Variants in LRRTM4 observed in about 807,000 individuals in gnomAD.
The protein encoded by LRRTM4 is leucine rich repeat transmembrane neuronal 4.
A neutral mutation model predicts 47.6 loss-of-function variants in LRRTM4; 25 were observed. The observed-to-expected ratio is 0.53, with a 90% CI of 0.38 to 0.73. The LOEUF (loss-of-function observed/expected upper bound fraction) is 0.73. Ranked by LOEUF, LRRTM4 falls within the 30% of genes least tolerant of loss-of-function variation. The pLI is 0.00. For synonymous variants in LRRTM4, 311 were observed against 269.5 expected (o/e 1.15, Z -1.51); for missense variants, 638 against 713.4 (o/e 0.89, Z 1.20).
chr2:77,501,143 T>G (rs1169875816), intron 3 of LRRTM4, among the ~76,000 whole-genome samples: 1 of 150,416 alleles, frequency 6.6e-6, no homozygotes, highest in Admixed American at 6.7e-5. Context: ...TATATGTATA[T>G]ATATCATTTT....
intron 3 of LRRTM4, among the ~76,000 whole-genome samples, chr2:77,136,224 C>T (rs562668632): frequency 5.3e-5 from 8 of 152,186 alleles, no homozygotes; most frequent in Non-Finnish European, 1.2e-4. Flanking sequence ...GGGAGGCACC[C>T]TCCAGTAGGG....
chr2:77,274,567 T>A (rs1676290961), intron 3 of LRRTM4, among the ~76,000 whole-genome samples: 2 of 152,164 alleles, frequency 1.3e-5, no homozygotes, highest in Admixed American at 1.3e-4. Context: ...ATCAGTAATT[T>A]CAAAGTGACA....
At chr2:77,092,263 C>A (rs1469564181) in intron 3 of LRRTM4, among the ~76,000 whole-genome samples, 2 of 152,054 alleles carry the variant, frequency 1.3e-5, no homozygotes, top group Non-Finnish European at 2.9e-5. Flanking sequence ...CCACACCTGA[C>A]CCCCATGACT....
At chr2:77,476,561 T>A (rs546718263) in intron 3 of LRRTM4, among the ~76,000 whole-genome samples, 2 of 152,076 alleles carry the variant, frequency 1.3e-5, no homozygotes, top group South Asian at 4.1e-4. Flanking sequence ...ATGAAAAGAG[T>A]AGAAACTACG....
At chr2:77,413,325 GC>G (rs1674512728) in intron 3 of LRRTM4, among the ~76,000 whole-genome samples, 1 of 152,140 alleles carries the variant, frequency 6.6e-6, no homozygotes, top group South Asian at 2.1e-4. Context: ...ATGTCTCAGG[GC>G]CCTTTCCTCT....
At chr2:77,084,129 T>C (rs1680630292) in intron 3 of LRRTM4, among the ~76,000 whole-genome samples, 1 of 152,090 alleles carries the variant, frequency 6.6e-6, no homozygotes, top group Non-Finnish European at 1.5e-5. Context: ...TGTTTAAAAA[T>C]AAAGTGTGTA....
At chr2:77,282,857 A>G (rs1209738300) in intron 3 of LRRTM4, among the ~76,000 whole-genome samples, 1 of 152,072 alleles carries the variant, frequency 6.6e-6, no homozygotes, top group Non-Finnish European at 1.5e-5. Context: ...GATGGATTAA[A>G]GATTTAAATG....
At chr2:77,126,610 A>G (rs1671658423) in intron 3 of LRRTM4, among the ~76,000 whole-genome samples, 1 of 152,178 alleles carries the variant, frequency 6.6e-6, no homozygotes, top group Admixed American at 6.5e-5. Context: ...CTCACTTTAT[A>G]TGGATTTCTC....
At chr2:77,114,628 C>G (rs1671338267) in intron 3 of LRRTM4, among the ~76,000 whole-genome samples, 1 of 152,096 alleles carries the variant, frequency 6.6e-6, no homozygotes, top group Non-Finnish European at 1.5e-5. Context: ...AACGTAGGTT[C>G]TTTCTATTTT....
At position 76,781,530 on chromosome 2, in the gene LRRTM4, A is replaced by C. The variant is rs879131197; in HGVS notation, c.1552-32614T>G. Among the ~76,000 whole-genome samples, 4 of 152,038 alleles carry C rather than the reference A, an allele frequency of 2.6e-5. No homozygotes were observed. The South Asian group carries it at 8.3e-4, about 32-fold the overall frequency. On this transcript the variant is annotated intron_variant, in intron 3 of 3. Coordinates refer to ENST00000409884, the MANE Select transcript of LRRTM4 (RefSeq NM_001134745.3). ...TGACCCGATTTTCCAGGTGCGGTGC[A>C]TCACCCCTTTCTTTGACTCAGAAAG...
chr2:77,064,569 G>C (rs1216268136), intron 3 of LRRTM4, among the ~76,000 whole-genome samples: 2 of 152,092 alleles, frequency 1.3e-5, no homozygotes, highest in Non-Finnish European at 2.9e-5. Context: ...ATCTTCTTCA[G>C]GCTAGAGAAG....
intron 3 of LRRTM4, among the ~76,000 whole-genome samples, chr2:77,029,442 G>C (rs999436000): frequency 6.6e-6 from 1 of 152,012 alleles, no homozygotes; most frequent in Admixed American, 6.6e-5. Flanking sequence ...AAAGGCTGAA[G>C]AACTTGGAGT....
rs191122824 is a variant in LRRTM4 at position 77,369,231 on chromosome 2, T to C, written c.1551+149087A>G. Among the ~76,000 whole-genome samples the C allele has an allele frequency of 2.1e-3, 315 of 151,882 alleles. 3 individuals are homozygous for C. The highest frequency in any genetic ancestry group is 3.4e-3 in the Middle Eastern group (1 of 294). The stretch of plus-strand genomic sequence containing the variant: ...TTTCCAATTATATATTTTCCCAATC[T>C]GTAGGTTGCGTTTTCATTTTGTCAA... On this transcript the variant is annotated intron_variant, in intron 3 of 3. Transcript: ENST00000409884.
chr2:77,017,166 A>C (rs1418483892), intron 3 of LRRTM4, among the ~76,000 whole-genome samples: 1 of 152,216 alleles, frequency 6.6e-6, no homozygotes, highest in Non-Finnish European at 1.5e-5. Flanking sequence ...AGATGAGGAC[A>C]TCACGGCCAC....
intron 3 of LRRTM4, among the ~76,000 whole-genome samples, chr2:77,485,229 G>A (rs1677862033): frequency 6.6e-6 from 1 of 151,992 alleles, no homozygotes; most frequent in Admixed American, 6.6e-5. Context: ...TATAAATACA[G>A]AATATTTTAA....
chr2:77,171,240 G>T (rs1262630476), intron 3 of LRRTM4, among the ~76,000 whole-genome samples: 1 of 151,880 alleles, frequency 6.6e-6, no homozygotes, highest in African/African-American at 2.4e-5. Context: ...CTGACAATTT[G>T]CTTTATGTTT....
intron 3 of LRRTM4, among the ~76,000 whole-genome samples, chr2:77,402,353 T>C (rs1262268256): frequency 6.6e-6 from 1 of 151,912 alleles, no homozygotes; most frequent in Non-Finnish European, 1.5e-5. Context: ...TTCATTATGT[T>C]GCCCAGGTTG....
chr2:77,340,183 T>C (rs79518145), intron 3 of LRRTM4, among the ~76,000 whole-genome samples: 4,287 of 152,000 alleles, frequency 0.028, 209 homozygotes, highest in African/African-American at 0.098. Context: ...CACTAAAATA[T>C]ATATTTTAAA....
At chr2:77,386,491 G>A (rs983416384) in intron 3 of LRRTM4, among the ~76,000 whole-genome samples, 7 of 152,082 alleles carry the variant, frequency 4.6e-5, no homozygotes, top group African/African-American at 1.7e-4. Context: ...GTGTGTATGT[G>A]CCACGTTTTC....
Sources: gnomAD v4.1 joint callset for allele counts (sites outside exome capture counted in the v4.1 genomes callset) on GRCh38, gnomAD v4.1.1 for gene constraint, MANE v1.5 for transcripts, NCBI Gene and HGNC (gene_info 2026-07-23, HGNC 2026-07-21) for gene names.